EPM2A: variants seen among roughly 807,000 people sequenced by gnomAD.
The protein encoded by EPM2A is EPM2A glucan phosphatase, laforin.
A neutral mutation model predicts 26.5 loss-of-function variants in EPM2A; 21 were observed. That is an observed-to-expected ratio of 0.79 (90% CI 0.56 to 1.14). The LOEUF (loss-of-function observed/expected upper bound fraction) is 1.14. Among genes scored for constraint, EPM2A ranks in the 50% most tolerant of loss-of-function variants. EPM2A has a pLI of 0.00. For missense variants in EPM2A, 458 were observed against 440.8 expected (o/e 1.04, Z -0.35); for synonymous variants, 217 against 177.6 (o/e 1.22, Z -1.76).
intron 2 of EPM2A, among the ~76,000 whole-genome samples, chr6:145,650,309 G>C (rs1383707999): frequency 1.3e-5 from 2 of 152,130 alleles, no homozygotes; most frequent in African/African-American, 4.8e-5. Flanking sequence ...CCAGCACTTT[G>C]GGAGGCCGAG....
chr6:145,674,069 C>T (rs1779846753), intron 2 of EPM2A, among the ~76,000 whole-genome samples: 2 of 152,084 alleles, frequency 1.3e-5, no homozygotes, highest in Admixed American at 1.3e-4. Context: ...AGGCGGGTGC[C>T]CCTCTGGGAT....
In EPM2A at chr6:145,735,297, C is replaced by T. The variant is rs1429822328; in HGVS notation, c.202G>A (p.Ala68Thr). The T allele has an allele frequency of 6.8e-7, 1 of 1,478,672 alleles. No individual in the cohort carries two copies. The highest frequency in any genetic ancestry group is 1.3e-5 in the South Asian group (1 of 79,400). The allele number at this position is 1,478,672 out of a possible 1,614,324, so 91.6% of individuals were successfully genotyped here. Residue 68 changes from alanine (A) to threonine (T), a missense_variant, in exon 1 of 4, where the codon GCC becomes ACC. By Grantham distance (58) the Ala-to-Thr change is moderately conservative. Transcript: ENST00000367519. ...GLWLGEVELA[A>T]EEAAQDGAEP... ...GCCCCGTCCTGCGCCGCCTCCTCGGCCGCCAGCTCCACCTCCCCGAGCCAC... is the reference window on the plus strand; with the variant it reads ...GCCCCGTCCTGCGCCGCCTCCTCGGTCGCCAGCTCCACCTCCCCGAGCCAC...
At chr6:145,474,001 C>T (rs1779509180) in intron 4 of EPM2A, among the ~76,000 whole-genome samples, 2 of 151,944 alleles carry the variant, frequency 1.3e-5, no homozygotes, top group African/African-American at 4.8e-5. Flanking sequence ...GTAGTAAGTA[C>T]ACAGAAAAAC....
At chr6:145,596,638 C>A (rs1781346672) in intron 2 of EPM2A, among the ~76,000 whole-genome samples, 1 of 151,958 alleles carries the variant, frequency 6.6e-6, no homozygotes, top group East Asian at 1.9e-4. Context: ...GCCTCCTACA[C>A]CTTTATTTTC....
At chr6:145,445,890 A>G (rs1389292127) in intron 4 of EPM2A, among the ~76,000 whole-genome samples, 1 of 152,232 alleles carries the variant, frequency 6.6e-6, no homozygotes, top group Non-Finnish European at 1.5e-5. Flanking sequence ...AAAAAAGCAC[A>G]TGTAAATGAT....
chr6:145,390,587 T>TCTCTCTC (rs1562317071), intron 4 of EPM2A, among the ~76,000 whole-genome samples: 6 of 92,352 alleles, frequency 6.5e-5, no homozygotes, highest in East Asian at 2.7e-4. Context: ...CTCTCTCTCT[T>TCTCTCTC]TCTTTCTCTC....
chr6:145,469,553 G>T (rs1056360094), intron 4 of EPM2A, among the ~76,000 whole-genome samples: 8 of 152,000 alleles, frequency 5.3e-5, no homozygotes, highest in African/African-American at 1.7e-4. Flanking sequence ...GAAAAAAAGG[G>T]AACTCTCACA....
At chr6:145,571,061 G>A (rs185022396) in intron 2 of EPM2A, among the ~76,000 whole-genome samples, 4 of 152,316 alleles carry the variant, frequency 2.6e-5, no homozygotes, top group African/African-American at 7.2e-5. Context: ...GGCCAGCAGA[G>A]CATAATGTCA....
At chr6:145,553,714 T>C (rs1780684644) in intron 2 of EPM2A, among the ~76,000 whole-genome samples, 1 of 151,806 alleles carries the variant, frequency 6.6e-6, no homozygotes, top group Non-Finnish European at 1.5e-5. Flanking sequence ...CTACTTCTTT[T>C]TTCAGCTGTT....
chr6:145,568,057 T>C (rs1428454488), intron 2 of EPM2A, among the ~76,000 whole-genome samples: 1 of 152,190 alleles, frequency 6.6e-6, no homozygotes, highest in Non-Finnish European at 1.5e-5. Flanking sequence ...GAAGGAAGGA[T>C]GCCACATAAT....
At chr6:145,555,303 T>C (rs948576439) in intron 2 of EPM2A, among the ~76,000 whole-genome samples, 2 of 152,030 alleles carry the variant, frequency 1.3e-5, no homozygotes, top group Non-Finnish European at 2.9e-5. Context: ...GTCTCAGCCA[T>C]GCACAGACTT....
intron 4 of EPM2A, among the ~76,000 whole-genome samples, chr6:145,460,436 T>C (rs1779315164): frequency 6.6e-6 from 1 of 152,172 alleles, no homozygotes; most frequent in Non-Finnish European, 1.5e-5. Flanking sequence ...TTTCCTACAG[T>C]TTGAAAATGC....
At chr6:145,697,228 C>T (rs775263919) in intron 1 of EPM2A, among the ~76,000 whole-genome samples, 158 of 152,118 alleles carry the variant, frequency 1.0e-3, no homozygotes, top group Middle Eastern at 6.8e-3. Context: ...CATCACATGT[C>T]GGCAGGTTCC....
intron 1 of EPM2A, among the ~76,000 whole-genome samples, chr6:145,706,465 G>T (rs763332394): frequency 3.3e-5 from 5 of 152,174 alleles, no homozygotes; most frequent in Admixed American, 6.5e-5. Context: ...ATTTGCTCCA[G>T]CTGGAAGGGT....
intron 4 of EPM2A, among the ~76,000 whole-genome samples, chr6:145,489,347 C>T (rs1166902347): frequency 6.6e-6 from 1 of 152,086 alleles, no homozygotes; most frequent in Non-Finnish European, 1.5e-5. Context: ...ATTTTTACCA[C>T]AATGAAAATA....
intron 4 of EPM2A, among the ~76,000 whole-genome samples, chr6:145,429,953 C>T (rs11968473): frequency 0.052 from 7,910 of 152,150 alleles, 680 homozygotes; most frequent in African/African-American, 0.18. Flanking sequence ...TCCCAGCACT[C>T]TGAGAGGCTG....
chr6:145,499,468 T>C (rs1779861077), downstream of EPM2A, among the ~76,000 whole-genome samples: 1 of 152,236 alleles, frequency 6.6e-6, no homozygotes, highest in South Asian at 2.1e-4. Context: ...TTATCATGGC[T>C]TATAATTATC....
chr6:145,516,181 C>T (rs1399144121), intron 2 of EPM2A, among the ~76,000 whole-genome samples: 2 of 152,158 alleles, frequency 1.3e-5, no homozygotes, highest in Non-Finnish European at 2.9e-5. Flanking sequence ...ACCATATTCT[C>T]ATTAACTCAA....
chr6:145,567,252 TCTTC>T (rs1443633727), intron 2 of EPM2A, among the ~76,000 whole-genome samples: 1 of 152,218 alleles, frequency 6.6e-6, no homozygotes, highest in East Asian at 1.9e-4. Flanking sequence ...TTTGGAAAGT[TCTTC>T]CTTAAGAACT....
Sources: gnomAD v4.1 joint callset for allele counts (sites outside exome capture counted in the v4.1 genomes callset) on GRCh38, gnomAD v4.1.1 for gene constraint, MANE v1.5 for transcripts, NCBI Gene and HGNC (gene_info 2026-07-23, HGNC 2026-07-21) for gene names.